ZNF714: variants seen among roughly 807,000 people sequenced by gnomAD.
ZNF714 encodes the protein zinc finger protein 714.
Under a neutral mutation model 46.2 loss-of-function variants are expected in ZNF714, and 32 were observed. That is an observed-to-expected ratio of 0.69 (90% CI 0.52 to 0.93). The LOEUF (loss-of-function observed/expected upper bound fraction) is 0.93, where lower values mean the gene tolerates loss of function less well. Ranked by LOEUF, ZNF714 falls within the 40% of genes least tolerant of loss-of-function variation. ZNF714 has a pLI of 0.00. For missense variants in ZNF714, 635 were observed against 646.3 expected, an observed-to-expected ratio of 0.98 and a Z score of 0.19; for synonymous variants, 199 against 213.1, an observed-to-expected ratio of 0.93 and a Z score of 0.58.
At chr19:21,092,749 A>G (rs989202085) in intron 2 of ZNF714, among the ~76,000 whole-genome samples, 2 of 151,956 alleles carry the variant, frequency 1.3e-5, no homozygotes, top group East Asian at 1.9e-4. Flanking sequence ...TCTATTCTCA[A>G]CTAGGCCTCA....
At chr19:21,095,743 C>T (rs758164199) in intron 2 of ZNF714, among the ~76,000 whole-genome samples, 12 of 152,188 alleles carry the variant, frequency 7.9e-5, no homozygotes, top group African/African-American at 2.4e-4. Context: ...CGTGAGCCAC[C>T]GCGCCTAGCC....
chr19:21,120,914 T>G lies in ZNF714; in HGVS notation c.*2582T>G, dbSNP rs1969692714. ...TATTTATGCACTTATATGGCATATT[T>G]TAGTACAGGAATACAATATATAATA... is the stretch of plus-strand genomic sequence containing the variant. On this transcript the variant is annotated 3_prime_UTR_variant, in exon 5 of 5. Coordinates refer to ENST00000456283, the MANE Select transcript of ZNF714 (RefSeq NM_182515.4). 6.6e-6 allele frequency: 1 copy of G among 152,192 alleles called. No individual in the cohort carries two copies. The highest frequency in any genetic ancestry group is 2.4e-5 in the African/African-American group (1 of 41,452). The allele number at this position is 152,192 out of a possible 1,614,324, so 9.4% of individuals were successfully genotyped here.
rs191164514 is a variant in ZNF714, at chr19:21,082,675, G to A, written c.-177+327G>A. Reference sequence around the variant, plus strand: ...GGTCCCAGGGGTAGAATCCTGACTCGGGGTGCGGGTTTATGAATGGGTCCG... The same window carrying A: ...GGTCCCAGGGGTAGAATCCTGACTCAGGGTGCGGGTTTATGAATGGGTCCG... On this transcript the variant is annotated intron_variant, in intron 1 of 4. Coordinates refer to ENST00000456283, the MANE Select transcript of ZNF714 (RefSeq NM_182515.4). Among the ~76,000 whole-genome samples the A allele has an allele frequency of 6.8e-4, 94 of 138,184 alleles. 1 individual carries two copies. In the East Asian group the frequency reaches 0.019, roughly 28 times the overall value. The allele number at this position is 138,184 out of a possible 152,430, so 90.7% of individuals were successfully genotyped here. A position where few individuals can be genotyped will look rare whatever the true frequency, so the allele number is the denominator to read the frequency against.
At chr19:21,104,774 G>A (rs867031586) in intron 4 of ZNF714, among the ~76,000 whole-genome samples, 2 of 151,674 alleles carry the variant, frequency 1.3e-5, no homozygotes, top group African/African-American at 2.4e-5. Flanking sequence ...CATCATGCCT[G>A]GCTAGTTTTT....
rs878926774 is a variant in ZNF714, at chr19:21,117,813, A to C, written c.1149A>C (p.Lys383Asn). The change falls in exon 5 of 5, where the codon AAA (lysine) becomes AAC (asparagine). Residue 383 changes from lysine (K) to asparagine (N), a missense_variant. By Grantham distance (94) the Lys-to-Asn change is moderately conservative (BLOSUM62 0). Transcript: ENST00000456283. ...GCAAAGCCTTTAACCACTCCTCAAA[A>C]CTTACTATACATAAGATAATTCATA... ...ECGKAFNHSSKLTIHKIIHTG... is the reference protein window; with the variant it reads ...ECGKAFNHSSNLTIHKIIHTG... 1.5e-5 allele frequency: 24 copies of C among 1,598,702 alleles called. No homozygotes were observed. The highest frequency in any genetic ancestry group is 7.1e-5 in the African/African-American group (5 of 70,378).
intron 4 of ZNF714, among the ~76,000 whole-genome samples, chr19:21,102,171 C>G (rs961923858): frequency 1.3e-5 from 2 of 152,064 alleles, no homozygotes; most frequent in Non-Finnish European, 1.5e-5. Context: ...AATAGAGCAC[C>G]TTTTATTTTT....
chr19:21,123,856 T>G lies in ZNF714; in HGVS notation c.*5524T>G, dbSNP rs1037541644. 6.6e-6 allele frequency: 1 copy of G among 152,206 alleles called. No individual in the cohort carries two copies. Among genetic ancestry groups the G allele is most frequent in the Admixed American group, 6.5e-5 (1 of 15,274 alleles). 9.4% of individuals were successfully genotyped at this position (152,206 alleles called of 1,614,324 possible). A position where few individuals can be genotyped will look rare whatever the true frequency, so the allele number is the denominator to read the frequency against. On this transcript the variant is annotated 3_prime_UTR_variant, in exon 5 of 5. Coordinates refer to ENST00000456283, the MANE Select transcript of ZNF714 (RefSeq NM_182515.4). ...ATTTTTTCTTTTAGTGGGAGAAGTT[T>G]AGTCTACGGTTTTTATTTTTAGTCA...
Position 21,098,836 on chromosome 19 carries a change from A to G in ZNF714, c.68A>G (p.Asp23Gly), listed in dbSNP as rs1400360251. Reference protein sequence around the residue: ...FLAGIAVSKQDPITSLEQEKE... With the variant: ...FLAGIAVSKQGPITSLEQEKE... ...GCAGGTATTGCTGTCTCTAAGCAAG[A>G]CCCGATCACCAGTCTAGAGCAAGAA... Residue 23 changes from aspartate to glycine, a missense_variant, in exon 4 of 5, where the codon GAC (aspartate) becomes GGC (glycine). Coordinates refer to ENST00000456283, the MANE Select transcript of ZNF714 (RefSeq NM_182515.4). 6.2e-7 allele frequency: 1 copy of G among 1,609,934 alleles called. No homozygotes were observed. The highest frequency in any genetic ancestry group is 1.1e-5 in the South Asian group (1 of 90,536).
chr19:21,120,392 A>G lies in ZNF714; in HGVS notation c.*2060A>G, dbSNP rs1969685690. The G allele has an allele frequency of 6.6e-6, 1 of 152,176 alleles. No individual in the cohort carries two copies. Among genetic ancestry groups the G allele is most frequent in the South Asian group, 2.1e-4 (1 of 4,834 alleles). The allele number at this position is 152,176 out of a possible 1,614,324, so 9.4% of individuals were successfully genotyped here. On this transcript the variant is annotated 3_prime_UTR_variant, in exon 5 of 5. Coordinates refer to ENST00000456283, the MANE Select transcript of ZNF714 (RefSeq NM_182515.4). ...ATTATTTGTGATCTTTTCTATTGAAAAGTAAAAACATTAGAATGTAAGATG... is the reference window on the plus strand; with the variant it reads ...ATTATTTGTGATCTTTTCTATTGAAGAGTAAAAACATTAGAATGTAAGATG...
intron 4 of ZNF714, among the ~76,000 whole-genome samples, chr19:21,104,528 G>C (rs886575451): frequency 1.2e-5 from 1 of 82,326 alleles, no homozygotes; most frequent in African/African-American, 3.1e-5. Context: ...ATCATCAACA[G>C]ATTTGGTGTT....
intron 2 of ZNF714, among the ~76,000 whole-genome samples, chr19:21,090,610 C>G (rs1444251095): frequency 2.6e-5 from 4 of 152,086 alleles, no homozygotes; most frequent in Non-Finnish European, 5.9e-5. Flanking sequence ...TCCTTTGGGT[C>G]AGAGTACAGT....
chr19:21,097,584 T>C (rs1969073023), intron 2 of ZNF714, among the ~76,000 whole-genome samples: 1 of 152,208 alleles, frequency 6.6e-6, no homozygotes, highest in Non-Finnish European at 1.5e-5. Context: ...TTTTTTTGTT[T>C]GTTTTTTGCA....
chr19:21,123,669 CTA>C lies in ZNF714; in HGVS notation c.*5339_*5340del, dbSNP rs1340900657. ...AGTGCCCGGCCACGAATTTAATTTT[CTA>C]TGATATAATTACAGCACAATTTACA... is the stretch of plus-strand genomic sequence containing the variant. On this transcript the variant is annotated 3_prime_UTR_variant, in exon 5 of 5. Transcript: ENST00000456283. 5 of 152,132 alleles carry C rather than the reference CTA, an allele frequency of 3.3e-5. No homozygotes were observed. The allele number at this position is 152,132 out of a possible 1,614,324, so 9.4% of individuals were successfully genotyped here. A position where few individuals can be genotyped will look rare whatever the true frequency, so the allele number is the denominator to read the frequency against.
In ZNF714 at chr19:21,116,813, G is replaced by T; in HGVS notation, c.149G>T (p.Cys50Phe). 1 of 1,588,182 alleles carries T rather than the reference G, an allele frequency of 6.3e-7. No individual in the cohort carries two copies. Among genetic ancestry groups the T allele is most frequent in the East Asian group, 2.2e-5 (1 of 44,708 alleles). Residue 50 changes from cysteine to phenylalanine, a missense_variant, in exon 5 of 5, where the codon TGT becomes TTT. By Grantham distance (205) the Cys-to-Phe change is radical. Coordinates refer to ENST00000456283, the MANE Select transcript of ZNF714 (RefSeq NM_182515.4). ...CEMVDESPAM[C>F]SSFTRDLWPE... Reference sequence around the variant, plus strand: ...TTGTTTGTATTTCTTTCAGCTATGTGTTCTTCTTTTACCAGAGACCTTTGG... The same window carrying T: ...TTGTTTGTATTTCTTTCAGCTATGTTTTCTTCTTTTACCAGAGACCTTTGG...
chr19:21,095,734 G>A (rs535581089), intron 2 of ZNF714, among the ~76,000 whole-genome samples: 71 of 152,158 alleles, frequency 4.7e-4, no homozygotes, highest in African/African-American at 1.6e-3. Flanking sequence ...GATTACAGGC[G>A]TGAGCCACCG....
intron 4 of ZNF714, among the ~76,000 whole-genome samples, chr19:21,101,631 G>A (rs927104762): frequency 1.3e-5 from 2 of 152,124 alleles, no homozygotes; most frequent in Admixed American, 6.6e-5. Flanking sequence ...TCAGAGAGCT[G>A]GAACTGAGTC....
chr19:21,097,801 A>G (rs1376489642), intron 2 of ZNF714, among the ~76,000 whole-genome samples: 1 of 152,058 alleles, frequency 6.6e-6, no homozygotes, highest in Non-Finnish European at 1.5e-5. Flanking sequence ...AAGCTTCACA[A>G]CAGGATCTCC....
In ZNF714 at chr19:21,098,140, G is replaced by T. The variant is rs1969087473; in HGVS notation, c.-84-45G>T. 4 of 1,546,242 alleles carry T rather than the reference G, an allele frequency of 2.6e-6. No individual in the cohort carries two copies. The South Asian group carries it at 3.8e-5, about 15-fold the overall frequency. On this transcript the variant is annotated intron_variant, in intron 2 of 4. Coordinates refer to ENST00000456283, the MANE Select transcript of ZNF714 (RefSeq NM_182515.4). ...ATTCAAATAATAAATTCTGCCCATG[G>T]CCACTTGGTAAATATACGTGTGTCT...
At chr19:21,089,647 G>A (rs1298454966) in intron 2 of ZNF714, among the ~76,000 whole-genome samples, 2 of 152,192 alleles carry the variant, frequency 1.3e-5, no homozygotes, top group Non-Finnish European at 2.9e-5. Flanking sequence ...ACTTTGCTGG[G>A]CCATCCTGAA....
Sources: gnomAD v4.1 joint callset for allele counts (sites outside exome capture counted in the v4.1 genomes callset) on GRCh38, gnomAD v4.1.1 for gene constraint, MANE v1.5 for transcripts, NCBI Gene and HGNC (gene_info 2026-07-23, HGNC 2026-07-21) for gene names.